The following CCDC125 variants were observed in gnomAD, a reference collection of about 807,000 sequenced individuals.
The protein encoded by CCDC125 is coiled-coil domain containing 125, also known as coiled-coil domain-containing protein 125.
CCDC125 carries 43 observed loss-of-function variants against 57.4 expected under a neutral mutation model. That is an observed-to-expected ratio of 0.75 (90% CI 0.59 to 0.97). CCDC125 has a LOEUF of 0.97. Among genes scored for constraint, CCDC125 ranks in the 50% least tolerant of loss-of-function variants. CCDC125 has a pLI of 0.00. For synonymous variants in CCDC125, 187 were observed against 195.2 expected, an observed-to-expected ratio of 0.96 and a Z score of 0.35; for missense variants, 563 against 595.7, an observed-to-expected ratio of 0.95 and a Z score of 0.57.
intron 5 of CCDC125, 148 bp from the exon 6 acceptor site, chr5:69,307,050 C>A: frequency 1.1e-6 from 1 of 951,880 alleles, no homozygotes; most frequent in Non-Finnish European, 1.4e-6. Flanking sequence ...GTATCTCTGA[C>A]ATTTGCAAAC....
At chr5:69,286,631 G>A (rs1186620230) in intron 10 of CCDC125, among the ~76,000 whole-genome samples, 3 of 151,998 alleles carry the variant, frequency 2.0e-5, no homozygotes, top group Non-Finnish European at 2.9e-5. Flanking sequence ...AATATTTCAC[G>A]TGCTGACATC....
At chr5:69,309,192 T>G (rs935660576) in intron 4 of CCDC125, 1 of 152,234 alleles carries the variant, frequency 6.6e-6, no homozygotes, top group Non-Finnish European at 1.5e-5. Context: ...TGCAGATATT[T>G]GCATAAGTAA....
At chr5:69,298,639 G>A (rs997674088) in intron 8 of CCDC125, among the ~76,000 whole-genome samples, 3 of 152,172 alleles carry the variant, frequency 2.0e-5, no homozygotes, top group African/African-American at 7.2e-5. Context: ...CTGACTCCCG[G>A]TGCTACTTCC....
chr5:69,286,188 CT>C (rs1753332033), intron 10 of CCDC125, among the ~76,000 whole-genome samples: 4 of 51,332 alleles, frequency 7.8e-5, no homozygotes, highest in African/African-American at 3.1e-4. Flanking sequence ...AAATGGTAAA[CT>C]ATATATATAT....
chr5:69,319,330 G>A (rs1759649063), intron 2 of CCDC125, among the ~76,000 whole-genome samples: 1 of 152,072 alleles, frequency 6.6e-6, no homozygotes, highest in African/African-American at 2.4e-5. Flanking sequence ...TTGGACCTGT[G>A]CCTGACACCT....
At position 69,324,987 on chromosome 5, in the gene CCDC125, G is replaced by A. The variant is rs561336872; in HGVS notation, c.-40-4407C>T. Among the ~76,000 whole-genome samples the A allele has an allele frequency of 1.5e-3, 224 of 152,302 alleles. 1 individual carries two copies. The highest frequency in any genetic ancestry group is 5.3e-3 in the African/African-American group (222 of 41,566). Reference sequence around the variant, plus strand: ...CAAAGGGCATGAGGGAAGTTTTCTGGGGTAATGGAAAACTTCTATATCTTC... The same window carrying A: ...CAAAGGGCATGAGGGAAGTTTTCTGAGGTAATGGAAAACTTCTATATCTTC... On this transcript the variant is annotated intron_variant, in intron 1 of 11. Transcript: ENST00000396496.
chr5:69,313,933 G>A (rs374784685), intron 3 of CCDC125, 52 bp downstream of exon 3: 15 of 1,327,866 alleles, frequency 1.1e-5, no homozygotes, highest in Middle Eastern at 1.8e-4. Context: ...CACTGCAGCC[G>A]CTGCTGGGAC....
rs70992918 is a variant in CCDC125, at chr5:69,302,420, CAAAAAAAAA to C, written c.700+1418_700+1426del. Among the ~76,000 whole-genome samples the C allele has an allele frequency of 9.8e-5, 3 of 30,740 alleles. No homozygotes were observed. In the East Asian group the frequency reaches 3.4e-3, roughly 35 times the overall value. 20.2% of individuals were successfully genotyped at this position (30,740 alleles called of 152,430 possible). On this transcript the variant is annotated intron_variant, in intron 7 of 11. Transcript: ENST00000396496. ...TGGGCAACAGAGTGAGACTCCATCT[CAAAAAAAAA>C]AAAAAAAAAAAAAAGGCCAGTCGCG...
At chr5:69,277,225 A>T (rs147301048), downstream of CCDC125, 37 of 887,278 alleles carry the variant, frequency 4.2e-5, no homozygotes, top group African/African-American at 4.1e-4. Flanking sequence ...AATGCTGTAG[A>T]AGTGAGTTTG....
intron 7 of CCDC125, among the ~76,000 whole-genome samples, chr5:69,302,405 A>AGT (rs1442311525): frequency 1.0e-5 from 1 of 99,098 alleles, no homozygotes; most frequent in African/African-American, 3.9e-5. Context: ...TGGGCAACAG[A>AGT]GTGAGACTCC....
At chr5:69,296,062 A>T (rs1019809045) in intron 8 of CCDC125, among the ~76,000 whole-genome samples, 3 of 151,612 alleles carry the variant, frequency 2.0e-5, no homozygotes, top group Non-Finnish European at 2.9e-5. Context: ...TTGTATTTTT[A>T]AAGTAGAGAC....
At chr5:69,324,973 A>G (rs1266352572) in intron 1 of CCDC125, among the ~76,000 whole-genome samples, 2 of 152,254 alleles carry the variant, frequency 1.3e-5, no homozygotes, top group Admixed American at 6.5e-5. Flanking sequence ...AAAGGGCATG[A>G]GGGAAGTTTT....
chr5:69,287,735 A>T (rs1753748391), intron 10 of CCDC125, among the ~76,000 whole-genome samples: 4 of 144,230 alleles, frequency 2.8e-5, no homozygotes. Flanking sequence ...ACACTTGGCT[A>T]TTTTTTTTTT....
At chr5:69,285,054 G>A (rs1433490592) in intron 11 of CCDC125, among the ~76,000 whole-genome samples, 2 of 151,998 alleles carry the variant, frequency 1.3e-5, no homozygotes, top group African/African-American at 2.4e-5. Context: ...CCGAGATCGC[G>A]CCGCTGCACT....
At chr5:69,292,420 G>C in intron 9 of CCDC125, 58 bp from the exon 10 acceptor site, 1 of 1,297,546 alleles carries the variant, frequency 7.7e-7, no homozygotes, top group Non-Finnish European at 1.1e-6. Context: ...AATTCTTGCT[G>C]AATGGGGAAT....
chr5:69,320,544 C>T lies in CCDC125; in HGVS notation c.-4G>A, dbSNP rs1250754732. ...ATGATCTTGCCACCTTGCTCATGAGCCAAATGCCGTCTTTATCATAAGAAA... is the reference window on the plus strand; with the variant it reads ...ATGATCTTGCCACCTTGCTCATGAGTCAAATGCCGTCTTTATCATAAGAAA... On this transcript the variant is annotated 5_prime_UTR_variant, in exon 2 of 12. Transcript: ENST00000396496. 7 of 1,595,534 alleles carry T rather than the reference C, an allele frequency of 4.4e-6. No homozygotes were observed. The highest frequency in any genetic ancestry group is 6.0e-6 in the Non-Finnish European group (7 of 1,170,940).
downstream of CCDC125, chr5:69,276,827 TAGAG>T (rs765381297): frequency 2.2e-5 from 18 of 808,068 alleles, no homozygotes; most frequent in Non-Finnish European, 3.3e-5. Flanking sequence ...TTGTATAAAG[TAGAG>T]AGACTGTGCC....
chr5:69,304,949 G>C (rs1314431508), intron 6 of CCDC125, among the ~76,000 whole-genome samples: 1 of 152,032 alleles, frequency 6.6e-6, no homozygotes, highest in Middle Eastern at 3.4e-3. Flanking sequence ...CCACTCTGGT[G>C]GGGGATGTTG....
intron 10 of CCDC125, among the ~76,000 whole-genome samples, chr5:69,288,177 C>T (rs1753817109): frequency 1.3e-5 from 2 of 152,104 alleles, no homozygotes; most frequent in South Asian, 4.1e-4. Context: ...GAGCATCTGA[C>T]ACAGAGCCCC....
Sources: gnomAD v4.1 joint callset for allele counts (sites outside exome capture counted in the v4.1 genomes callset) on GRCh38, gnomAD v4.1.1 for gene constraint, MANE v1.5 for transcripts, NCBI Gene and HGNC (gene_info 2026-07-23, HGNC 2026-07-21) for gene names.